BCKDHB: variants seen among roughly 807,000 people sequenced by gnomAD.
BCKDHB encodes branched chain keto acid dehydrogenase E1 subunit beta.
BCKDHB carries 41 observed loss-of-function variants against 48.5 expected under a neutral mutation model. That is an observed-to-expected ratio of 0.85 (90% CI 0.66 to 1.10). The LOEUF (loss-of-function observed/expected upper bound fraction) is 1.10. Ranked by LOEUF, BCKDHB falls within the 50% of genes least tolerant of loss-of-function variation. The pLI is 0.00. For missense variants in BCKDHB, 496 were observed against 494.2 expected (o/e 1.00, Z -0.03); for synonymous variants, 201 against 174.8 (o/e 1.15, Z -1.18).
intron 9 of BCKDHB, among the ~76,000 whole-genome samples, chr6:80,306,273 ATATT>A (rs1767872824): frequency 6.6e-6 from 1 of 152,186 alleles, no homozygotes; most frequent in Non-Finnish European, 1.5e-5. Flanking sequence ...ACACAATAAC[ATATT>A]TATTTAACAT....
At chr6:80,308,141 T>A (rs1365846438) in intron 9 of BCKDHB, among the ~76,000 whole-genome samples, 1 of 152,130 alleles carries the variant, frequency 6.6e-6, no homozygotes, top group Non-Finnish European at 1.5e-5. Context: ...AAGCAGTGGC[T>A]ATTTTTTTTC....
chr6:80,342,376 C>G (rs550559325), intron 9 of BCKDHB, among the ~76,000 whole-genome samples: 1 of 151,350 alleles, frequency 6.6e-6, no homozygotes, highest in South Asian at 2.1e-4. Flanking sequence ...TATTATTTTC[C>G]TTAGAATAGT....
At chr6:80,237,837 G>A (rs1776208173) in intron 8 of BCKDHB, among the ~76,000 whole-genome samples, 1 of 152,078 alleles carries the variant, frequency 6.6e-6, no homozygotes, top group Non-Finnish European at 1.5e-5. Context: ...ATTTACATAA[G>A]TAGAAAAGGT....
At chr6:80,351,272 G>A in the BCKDHB span, among the ~76,000 whole-genome samples, 2 of 152,052 alleles carry the variant, frequency 1.3e-5, no homozygotes, top group African/African-American at 4.8e-5. Context: ...CCATCTCTTT[G>A]TTAAGTAGCT....
chr6:80,317,409 A>G (rs984799837), intron 9 of BCKDHB, among the ~76,000 whole-genome samples: 2 of 152,094 alleles, frequency 1.3e-5, no homozygotes, highest in African/African-American at 4.8e-5. Context: ...AGCCCCATCT[A>G]ACTTCTTGCG....
intron 8 of BCKDHB, among the ~76,000 whole-genome samples, chr6:80,206,713 A>G (rs770108922): frequency 2.0e-5 from 3 of 152,024 alleles, no homozygotes; most frequent in Non-Finnish European, 4.4e-5. Context: ...TTAATAGAAA[A>G]TGTCCAAATT....
chr6:80,320,213 C>T (rs1353891581), intron 9 of BCKDHB, among the ~76,000 whole-genome samples: 2 of 152,032 alleles, frequency 1.3e-5, no homozygotes, highest in Non-Finnish European at 2.9e-5. Context: ...GTTCTGGGTT[C>T]TTGCTTTATA....
chr6:80,183,112 TTATTG>T lies in BCKDHB; in HGVS notation c.742+11725_742+11729del, dbSNP rs1773490049. 1.3e-5 allele frequency among the ~76,000 whole-genome samples: 2 copies of T among 152,124 alleles called. 1 individual carries two copies. On this transcript the variant is annotated intron_variant, in intron 6 of 9. Coordinates refer to ENST00000320393, the MANE Select transcript of BCKDHB (RefSeq NM_183050.4). Reference sequence around the variant, plus strand: ...AAGAAGAAAATTACGCTTGTGTTCTTTATTGTAAATATTCTACAACCTGTATCTCT... The same window carrying T: ...AAGAAGAAAATTACGCTTGTGTTCTTTAAATATTCTACAACCTGTATCTCT...
At chr6:80,347,734 C>T (rs9352820), downstream of BCKDHB, among the ~76,000 whole-genome samples, 31,316 of 152,136 alleles carry the variant, frequency 0.21, 3,734 homozygotes, top group South Asian at 0.37. Context: ...GTTAGCCCTG[C>T]AGTCCCCACA....
chr6:80,137,276 TG>T (rs1364469663), intron 3 of BCKDHB, among the ~76,000 whole-genome samples: 1 of 152,252 alleles, frequency 6.6e-6, no homozygotes, highest in African/African-American at 2.4e-5. Context: ...AAACGGTCAC[TG>T]TATTTTACTT....
At chr6:80,182,906 A>G (rs1033642417) in intron 6 of BCKDHB, among the ~76,000 whole-genome samples, 7 of 152,182 alleles carry the variant, frequency 4.6e-5, no homozygotes, top group South Asian at 2.1e-4. Flanking sequence ...ATCTATTCAC[A>G]TAGGCTTAGC....
intron 6 of BCKDHB, among the ~76,000 whole-genome samples, chr6:80,193,630 G>T (rs7775977): frequency 0.36 from 54,847 of 150,766 alleles, 11,890 homozygotes; most frequent in East Asian, 0.56. Context: ...TGAGACAGGA[G>T]AATTGCATGA....
chr6:80,265,642 A>G (rs1777484275), intron 8 of BCKDHB, among the ~76,000 whole-genome samples: 1 of 152,082 alleles, frequency 6.6e-6, no homozygotes, highest in Admixed American at 6.6e-5. Context: ...TTGTGTAATA[A>G]TGTGAATGTA....
chr6:80,431,191 A>G, the BCKDHB span, among the ~76,000 whole-genome samples: 1 of 151,926 alleles, frequency 6.6e-6, no homozygotes, highest in Non-Finnish European at 1.5e-5. Flanking sequence ...GAGACTGTTT[A>G]TTATTATTTC....
chr6:80,183,701 G>A (rs1469032423), intron 6 of BCKDHB, among the ~76,000 whole-genome samples: 2 of 152,146 alleles, frequency 1.3e-5, no homozygotes, highest in Non-Finnish European at 2.9e-5. Context: ...ATATCTTGCA[G>A]AGTATTTCCA....
In BCKDHB at chr6:80,298,951, G is replaced by A. The variant is rs183886554; in HGVS notation, c.1038+25730G>A. ...CCCCATGTCCTATGGTCCCGTATATGCCTAATTCTGTCACCCATAGCCGTC... is the reference window on the plus strand; with the variant it reads ...CCCCATGTCCTATGGTCCCGTATATACCTAATTCTGTCACCCATAGCCGTC... On this transcript the variant is annotated intron_variant, in intron 9 of 9. Transcript: ENST00000320393. Among the ~76,000 whole-genome samples, 29 of 152,252 alleles carry A rather than the reference G, an allele frequency of 1.9e-4. No individual in the cohort carries two copies. In the South Asian group the frequency reaches 4.1e-3, roughly 22 times the overall value.
intron 1 of BCKDHB, among the ~76,000 whole-genome samples, chr6:80,114,274 G>A (rs566671044): frequency 6.6e-6 from 1 of 151,294 alleles, no homozygotes; most frequent in Non-Finnish European, 1.5e-5. Context: ...TTAAATACAG[G>A]GTCTCACTCT....
At chr6:80,409,754 CTT>C in the BCKDHB span, among the ~76,000 whole-genome samples, 1 of 150,744 alleles carries the variant, frequency 6.6e-6, no homozygotes, top group South Asian at 2.1e-4. Context: ...ACCCCTGCTG[CTT>C]TTTGCTTTCC....
rs1394973228 is a variant in BCKDHB at position 80,112,999 on chromosome 6, G to T, written c.196+6110G>T. Among the ~76,000 whole-genome samples the T allele has an allele frequency of 4.6e-5, 7 of 152,186 alleles. No individual in the cohort carries two copies. The South Asian group carries it at 8.3e-4, about 18-fold the overall frequency. On this transcript the variant is annotated intron_variant, in intron 1 of 9. Transcript: ENST00000320393. Reference sequence around the variant, plus strand: ...CTTTAATGATAGGAACCGGAGGTGGGTGCATTTCTTTTGTCCTTAGCAAGT... The same window carrying T: ...CTTTAATGATAGGAACCGGAGGTGGTTGCATTTCTTTTGTCCTTAGCAAGT...
Sources: allele counts gnomAD v4.1 joint callset (sites outside exome capture counted in the v4.1 genomes callset), GRCh38; gene constraint gnomAD v4.1.1; transcripts MANE v1.5; gene names NCBI Gene and HGNC (gene_info 2026-07-23, HGNC 2026-07-21).